The following TRIM9 variants were observed in gnomAD, a reference collection of about 807,000 sequenced individuals.
The protein encoded by TRIM9 is E3 ubiquitin-protein ligase TRIM9.
In TRIM9, 26 loss-of-function variants were observed where a neutral mutation model predicts 78.3. That is an observed-to-expected ratio of 0.33 (90% CI 0.24 to 0.46). The LOEUF (loss-of-function observed/expected upper bound fraction) is 0.46. Among genes scored for constraint, TRIM9 ranks in the 20% least tolerant of loss-of-function variants. TRIM9 has a pLI of 1.00. For synonymous variants in TRIM9, 398 were observed against 416.5 expected, an observed-to-expected ratio of 0.96 and a Z score of 0.54; for missense variants, 787 against 1,036.4, an observed-to-expected ratio of 0.76 and a Z score of 3.30.
chr14:50,990,149 C>G (rs2053305297), intron 7 of TRIM9, among the ~76,000 whole-genome samples: 1 of 152,184 alleles, frequency 6.6e-6, no homozygotes, highest in Non-Finnish European at 1.5e-5. Flanking sequence ...TCCTGAGTAG[C>G]TGGAACTACA....
At chr14:51,069,082 A>G (rs2061989572) in intron 1 of TRIM9, among the ~76,000 whole-genome samples, 1 of 152,182 alleles carries the variant, frequency 6.6e-6, no homozygotes, top group Non-Finnish European at 1.5e-5. Flanking sequence ...TAAGGATTTT[A>G]ATAAGAATAA....
intron 7 of TRIM9, among the ~76,000 whole-genome samples, chr14:50,988,617 C>T (rs1313967735): frequency 6.6e-6 from 1 of 151,158 alleles, no homozygotes; most frequent in African/African-American, 2.4e-5. Context: ...CTATGACCTC[C>T]CATTACCTAC....
intron 11 of TRIM9, among the ~76,000 whole-genome samples, chr14:50,981,490 TG>T (rs1332066104): frequency 6.6e-6 from 1 of 152,216 alleles, no homozygotes; most frequent in African/African-American, 2.4e-5. Flanking sequence ...TCTGTTAAGT[TG>T]TAGGTCTGGG....
At chr14:51,032,356 C>G (rs2058804752) in intron 1 of TRIM9, among the ~76,000 whole-genome samples, 1 of 152,214 alleles carries the variant, frequency 6.6e-6, no homozygotes, top group South Asian at 2.1e-4. Flanking sequence ...AATATTCTCT[C>G]AAAGACTATG....
In TRIM9 at chr14:51,028,303, G is replaced by A. The variant is rs185917426; in HGVS notation, c.823-2943C>T. On this transcript the variant is annotated intron_variant, in intron 1 of 12. Transcript: ENST00000684578. Reference sequence around the variant, plus strand: ...TCTAGAAATCATTCTCTTAAGCTTTGTCCACTTGTAGAAATTGAGGAGACA... The same window carrying A: ...TCTAGAAATCATTCTCTTAAGCTTTATCCACTTGTAGAAATTGAGGAGACA... Among the ~76,000 whole-genome samples, 7 of 152,236 alleles carry A rather than the reference G, an allele frequency of 4.6e-5. No homozygotes were observed. The East Asian group carries it at 7.7e-4, about 17-fold the overall frequency.
chr14:51,018,190 G>A lies in TRIM9; in HGVS notation c.1041+4645C>T, dbSNP rs1396377558. ...TTGAGGTGGTTCTTGGCTTGAATTA[G>A]TTGCTTTTTTTTTCTAGTAATGACT... On this transcript the variant is annotated intron_variant, in intron 3 of 12. Coordinates refer to ENST00000684578, the MANE Select transcript of TRIM9 (RefSeq NM_001387360.1). Among the ~76,000 whole-genome samples the A allele has an allele frequency of 3.3e-5, 5 of 151,992 alleles. No individual in the cohort carries two copies. The East Asian group carries it at 5.8e-4, about 18-fold the overall frequency.
chr14:51,084,395 T>G (rs181469025), intron 1 of TRIM9, among the ~76,000 whole-genome samples: 1 of 152,208 alleles, frequency 6.6e-6, no homozygotes, highest in African/African-American at 2.4e-5. Context: ...CCATCAATGA[T>G]AGATTCACTT....
intron 8 of TRIM9, among the ~76,000 whole-genome samples, chr14:50,985,651 C>T (rs1243479363): frequency 6.6e-6 from 1 of 152,214 alleles, no homozygotes; most frequent in African/African-American, 2.4e-5. Flanking sequence ...TGCTATGCCA[C>T]TGCATGTGAT....
intron 7 of TRIM9, among the ~76,000 whole-genome samples, chr14:50,987,444 T>A (rs1186555471): frequency 6.6e-6 from 1 of 152,216 alleles, no homozygotes; most frequent in Non-Finnish European, 1.5e-5. Flanking sequence ...GCTTTAGACT[T>A]ATCTGTGGGG....
chr14:51,093,089 G>C (rs552074567), intron 1 of TRIM9, among the ~76,000 whole-genome samples: 3 of 152,142 alleles, frequency 2.0e-5, no homozygotes, highest in Non-Finnish European at 4.4e-5. Flanking sequence ...GGGAGTAAGT[G>C]GGAGGCAATG....
intron 1 of TRIM9, among the ~76,000 whole-genome samples, chr14:51,037,297 G>A (rs79016401): frequency 0.011 from 1,674 of 152,152 alleles, 26 homozygotes; most frequent in African/African-American, 0.039. Context: ...TGATTGTGTA[G>A]GTTAGCTAGG....
intron 5 of TRIM9, among the ~76,000 whole-genome samples, chr14:51,007,968 C>T (rs544992944): frequency 2.0e-5 from 3 of 152,242 alleles, no homozygotes; most frequent in South Asian, 4.1e-4. Context: ...TAAAAGCATA[C>T]AGGTAGATTT....
intron 3 of TRIM9, among the ~76,000 whole-genome samples, chr14:51,021,716 T>C (rs1187249507): frequency 3.3e-5 from 5 of 152,210 alleles, no homozygotes; most frequent in Non-Finnish European, 2.9e-5. Context: ...CTCAGCTGAT[T>C]GTCTACTGCT....
At chr14:50,979,834 T>G (rs2051609318) in intron 11 of TRIM9, among the ~76,000 whole-genome samples, 1 of 152,242 alleles carries the variant, frequency 6.6e-6, no homozygotes, top group South Asian at 2.1e-4. Context: ...TCTGCCCTTG[T>G]GAGTTGCTCT....
intron 7 of TRIM9, among the ~76,000 whole-genome samples, chr14:50,995,216 C>T (rs55873582): frequency 0.08 from 12,109 of 152,166 alleles, 627 homozygotes; most frequent in Middle Eastern, 0.18. Flanking sequence ...ATTTTTATTG[C>T]TTTCCTAATT....
At chr14:51,086,059 A>T (rs1392322946) in intron 1 of TRIM9, among the ~76,000 whole-genome samples, 2 of 152,234 alleles carry the variant, frequency 1.3e-5, no homozygotes, top group African/African-American at 4.8e-5. Flanking sequence ...AAGGAATCTT[A>T]GGAGAAAAAT....
intron 1 of TRIM9, among the ~76,000 whole-genome samples, chr14:51,056,948 G>A (rs1034084910): frequency 2.6e-5 from 4 of 152,184 alleles, no homozygotes; most frequent in Admixed American, 2.6e-4. Context: ...TCTTGTACCT[G>A]TTAATATTCA....
At chr14:51,048,229 T>C (rs1019955007) in intron 1 of TRIM9, among the ~76,000 whole-genome samples, 1 of 152,230 alleles carries the variant, frequency 6.6e-6, no homozygotes, top group Non-Finnish European at 1.5e-5. Flanking sequence ...ACGGGCAATC[T>C]CTGCCTTGTG....
intron 1 of TRIM9, among the ~76,000 whole-genome samples, chr14:51,070,311 C>T (rs928022625): frequency 6.6e-6 from 1 of 152,128 alleles, no homozygotes; most frequent in African/African-American, 2.4e-5. Flanking sequence ...TATCTTTAAA[C>T]AGAAACATAC....
Sources: gnomAD v4.1 joint callset for allele counts (sites outside exome capture counted in the v4.1 genomes callset) on GRCh38, gnomAD v4.1.1 for gene constraint, MANE v1.5 for transcripts, NCBI Gene and HGNC (gene_info 2026-07-23, HGNC 2026-07-21) for gene names.